The following GTF2IRD1 variants were observed in gnomAD, a reference collection of about 807,000 sequenced individuals.
GTF2IRD1 encodes GTF2I repeat domain containing 1, also known as general transcription factor II-I repeat domain-containing protein 1.
Under a neutral mutation model 113.2 loss-of-function variants are expected in GTF2IRD1, and 26 were observed. The observed-to-expected ratio is 0.23, with a 90% confidence interval of 0.17 to 0.32. The LOEUF is 0.32. Among genes scored for constraint, GTF2IRD1 ranks in the 10% least tolerant of loss-of-function variants. The probability of loss-of-function intolerance (pLI) is 1.00; values close to 1 mark genes in which losing one functional copy is unlikely to be tolerated. For missense variants in GTF2IRD1, 864 were observed against 1,280.8 expected (o/e 0.67, Z 4.97); for synonymous variants, 484 against 529.1 (o/e 0.91, Z 1.17).
Position 74,519,435 on chromosome 7 carries a change from C to G in GTF2IRD1, c.632C>G (p.Ser211Trp), listed in dbSNP as rs782144391. 1 of 1,541,766 alleles carries G rather than the reference C, an allele frequency of 6.5e-7. No homozygotes were observed. Among genetic ancestry groups the G allele is most frequent in the Non-Finnish European group, 8.7e-7 (1 of 1,145,270 alleles). ...KRPLEDGGRD[S>W]KALVELNGVS... Reference sequence around the variant, plus strand: ...CCACTTGAGGATGGCGGGCGGGACTCGAAGGCCCTGGTGGAGCTGAACGGT... The same window carrying G: ...CCACTTGAGGATGGCGGGCGGGACTGGAAGGCCCTGGTGGAGCTGAACGGT... The change falls in exon 6 of 27, where the codon TCG becomes TGG. Residue 211 changes from serine to tryptophan, a missense_variant. Transcript: ENST00000424337.
chr7:74,545,670 G>A (rs1720631675), intron 15 of GTF2IRD1, 74 bp from the exon 16 acceptor site: 4 of 1,125,570 alleles, frequency 3.6e-6, no homozygotes, highest in Non-Finnish European at 5.4e-6. Flanking sequence ...GCCAATGTTG[G>A]TACCAGCAGA....
rs781858726 is a variant in GTF2IRD1, at chr7:74,529,806, A to C, written c.1163A>C (p.Glu388Ala). Residue 388 changes from glutamate to alanine, a missense_variant, in exon 9 of 27, where the codon GAG (glutamate) becomes GCG (alanine). Physicochemically the swap from Glu to Ala is moderately radical, Grantham distance 107. Around this residue, in one of 7 missense-constraint regions of GTF2IRD1, gnomAD observed 218 missense variants for 352.6 expected, o/e 0.62. Coordinates refer to ENST00000424337, the MANE Select transcript of GTF2IRD1 (RefSeq NM_005685.4). ...RKIACDPEAV[E>A]IVGIPDKIPF... ...ATTGCCTGTGACCCGGAGGCTGTGG[A>C]GATCGTGGGCATCCCGGACAAGATC... The C allele has an allele frequency of 1.9e-6, 3 of 1,614,006 alleles. No homozygotes were observed. The highest frequency in any genetic ancestry group is 2.5e-6 in the Non-Finnish European group (3 of 1,179,924).
chr7:74,458,464 CAT>C (rs1793142758), intron 1 of GTF2IRD1, among the ~76,000 whole-genome samples: 3 of 151,980 alleles, frequency 2.0e-5, no homozygotes, highest in South Asian at 4.2e-4. Flanking sequence ...CTCATAGAAA[CAT>C]GTGCTTTCTA....
chr7:74,565,139 G>A (rs1306329865), intron 22 of GTF2IRD1, among the ~76,000 whole-genome samples: 3 of 152,136 alleles, frequency 2.0e-5, no homozygotes, highest in African/African-American at 4.8e-5. Flanking sequence ...GACAACCCAC[G>A]CTCGACCCTG....
chr7:74,565,562 C>G (rs587768042), intron 22 of GTF2IRD1, among the ~76,000 whole-genome samples: 1 of 152,162 alleles, frequency 6.6e-6, no homozygotes, highest in East Asian at 1.9e-4. Context: ...GGACAGCTAA[C>G]GGGGGCTGTT....
intron 22 of GTF2IRD1, among the ~76,000 whole-genome samples, chr7:74,568,764 G>A (rs1227392542): frequency 3.3e-5 from 5 of 152,166 alleles, no homozygotes; most frequent in African/African-American, 1.2e-4. Context: ...GACAGGGGAG[G>A]GTGATGAGTC....
chr7:74,476,979 G>A (rs1794451771), intron 1 of GTF2IRD1, among the ~76,000 whole-genome samples: 1 of 152,196 alleles, frequency 6.6e-6, no homozygotes, highest in Non-Finnish European at 1.5e-5. Flanking sequence ...GGCTGAGGAT[G>A]TGGGTAGGCC....
At chr7:74,588,047 C>T (rs1199832785) in intron 22 of GTF2IRD1, among the ~76,000 whole-genome samples, 1 of 152,054 alleles carries the variant, frequency 6.6e-6, no homozygotes, top group Non-Finnish European at 1.5e-5. Context: ...TCCCCTGTAC[C>T]ACCCCAAAGT....
At chr7:74,525,237 C>G (rs1797533446) in intron 8 of GTF2IRD1, among the ~76,000 whole-genome samples, 1 of 152,170 alleles carries the variant, frequency 6.6e-6, no homozygotes, top group South Asian at 2.1e-4. Flanking sequence ...TGAGACTCGT[C>G]TTGGGAGTCA....
rs373979177 is a variant in GTF2IRD1 at position 74,544,777 on chromosome 7, G to A, written c.1641G>A (p.Ala547=). The change falls in exon 15 of 27, where the codon GCG becomes GCA. Residue 547 remains alanine, a synonymous_variant. Transcript: ENST00000424337. Reference sequence around the variant, plus strand: ...TAGACAAAGGTCTGAGTGAGGACGCGCGGCCCGAGGAGAGGCCCGTGGAGG... The same window carrying A: ...TAGACAAAGGTCTGAGTGAGGACGCACGGCCCGAGGAGAGGCCCGTGGAGG... ...MLTDKGLSED[A]RPEERPVEDS... The A allele has an allele frequency of 5.8e-5, 94 of 1,613,980 alleles. No individual in the cohort carries two copies. Among genetic ancestry groups the A allele is most frequent in the South Asian group, 3.7e-4 (34 of 91,070 alleles).
chr7:74,484,551 C>G (rs574611128), intron 1 of GTF2IRD1, among the ~76,000 whole-genome samples: 8 of 151,784 alleles, frequency 5.3e-5, no homozygotes, highest in African/African-American at 1.9e-4. Context: ...CTCCACCCTC[C>G]GGGTTCAAGC....
Position 74,536,171 on chromosome 7 carries a change from C to T in GTF2IRD1, c.1305C>T (p.Asn435=), listed in dbSNP as rs1554350118. ...RMFDERIFTG[N]KFTKDTTKLE... is the part of the protein sequence containing the mutation. Reference sequence around the variant, plus strand: ...CCTCCCTGACTCTCCCCACAGGGAACAAGTTTACCAAAGACACCACGAAGC... The same window carrying T: ...CCTCCCTGACTCTCCCCACAGGGAATAAGTTTACCAAAGACACCACGAAGC... Residue 435 remains asparagine, a synonymous_variant, in exon 11 of 27, where the codon AAC becomes AAT. Transcript: ENST00000424337. The T allele has an allele frequency of 1.1e-5, 17 of 1,611,066 alleles. No individual in the cohort carries two copies. Among genetic ancestry groups the T allele is most frequent in the Non-Finnish European group, 1.4e-5 (16 of 1,177,274 alleles).
At chr7:74,547,856 G>A (rs1160681505) in intron 17 of GTF2IRD1, among the ~76,000 whole-genome samples, 2 of 145,368 alleles carry the variant, frequency 1.4e-5, no homozygotes, top group Admixed American at 7.2e-5. Context: ...CAAAGCCACC[G>A]AACTGACCCC....
At chr7:74,585,926 G>A (rs1801691832) in intron 22 of GTF2IRD1, among the ~76,000 whole-genome samples, 1 of 151,982 alleles carries the variant, frequency 6.6e-6, no homozygotes, top group African/African-American at 2.4e-5. Context: ...AGGAATCTGA[G>A]ACCTCAGGAA....
chr7:74,572,941 G>A (rs144015845), intron 22 of GTF2IRD1, among the ~76,000 whole-genome samples: 2 of 152,088 alleles, frequency 1.3e-5, no homozygotes, highest in Admixed American at 1.3e-4. Context: ...GAGTTGGCCC[G>A]ACGCCTCCTT....
At position 74,529,945 on chromosome 7, in the gene GTF2IRD1, C is replaced by A. The variant is rs782608793; in HGVS notation, c.1274+28C>A. ...GCGGGTGGGGCTGGGCGCAGTGGCT[C>A]ATGCCTGTAATCCCAGCACTTTGGG... is the stretch of plus-strand genomic sequence containing the variant. On this transcript the variant is annotated intron_variant, in intron 9 of 26. Transcript: ENST00000424337. The A allele has an allele frequency of 6.4e-6, 10 of 1,563,724 alleles. No individual in the cohort carries two copies. In the South Asian group the frequency reaches 1.1e-4, roughly 17 times the overall value.
intron 8 of GTF2IRD1, among the ~76,000 whole-genome samples, chr7:74,525,962 G>T (rs1363731042): frequency 6.6e-6 from 1 of 152,164 alleles, no homozygotes; most frequent in Non-Finnish European, 1.5e-5. Context: ...GACTCTGGAG[G>T]CCTTAGTGAG....
intron 1 of GTF2IRD1, among the ~76,000 whole-genome samples, chr7:74,496,799 A>G (rs1473992605): frequency 5.3e-5 from 8 of 152,108 alleles, no homozygotes; most frequent in African/African-American, 1.9e-4. Flanking sequence ...AGTCTTAGGA[A>G]CGACACTCGA....
In GTF2IRD1 at chr7:74,521,254, T is replaced by G; in HGVS notation, c.963T>G (p.His321Gln). 6.2e-7 allele frequency: 1 copy of G among 1,612,254 alleles called. No homozygotes were observed. The highest frequency in any genetic ancestry group is 8.5e-7 in the Non-Finnish European group (1 of 1,178,596). Reference protein sequence around the residue: ...GPGGPLIQNVHASKRILFSIV... With the variant: ...GPGGPLIQNVQASKRILFSIV... ...GTGGGCCTCTCATCCAGAACGTCCATGCCTCCAAGCGCATTCTCTTCTCCA... is the reference window on the plus strand; with the variant it reads ...GTGGGCCTCTCATCCAGAACGTCCAGGCCTCCAAGCGCATTCTCTTCTCCA... The change falls in exon 7 of 27, where the codon CAT becomes CAG. Residue 321 changes from histidine to glutamine, a missense_variant. By Grantham distance (24) the His-to-Gln change is conservative (BLOSUM62 0). Transcript: ENST00000424337.
Sources: allele counts gnomAD v4.1 joint callset (sites outside exome capture counted in the v4.1 genomes callset), GRCh38; gene constraint gnomAD v4.1.1; regional missense constraint gnomAD v4.1.1; transcripts MANE v1.5; gene names NCBI Gene and HGNC (gene_info 2026-07-23, HGNC 2026-07-21).